The following SENP6 variants were observed in gnomAD, a reference collection of about 807,000 sequenced individuals.
SENP6 encodes SUMO specific peptidase 6, also known as sentrin-specific protease 6.
In SENP6, 41 loss-of-function variants were observed where a neutral mutation model predicts 134.5. That is an observed-to-expected ratio of 0.30 (90% CI 0.24 to 0.40). The LOEUF is 0.40. Ranked by LOEUF, SENP6 falls within the 10% of genes least tolerant of loss-of-function variation. The pLI is 1.00. For missense variants in SENP6, 1,248 were observed against 1,312.5 expected, an observed-to-expected ratio of 0.95 and a Z score of 0.76; for synonymous variants, 395 against 429.8, an observed-to-expected ratio of 0.92 and a Z score of 1.00.
intron 5 of SENP6, among the ~76,000 whole-genome samples, chr6:75,636,947 C>T (rs917477634): frequency 1.3e-5 from 2 of 150,448 alleles, no homozygotes; most frequent in Non-Finnish European, 2.9e-5. Flanking sequence ...GTGTCTCAGT[C>T]ATAGCTCACT....
intron 1 of SENP6, among the ~76,000 whole-genome samples, chr6:75,604,765 C>T (rs908628057): frequency 1.7e-4 from 26 of 152,104 alleles, no homozygotes; most frequent in African/African-American, 5.1e-4. Flanking sequence ...TGGTGTCTTA[C>T]ACTTTTAATA....
intron 16 of SENP6, among the ~76,000 whole-genome samples, chr6:75,692,502 C>G (rs1329820143): frequency 6.6e-6 from 1 of 152,090 alleles, no homozygotes; most frequent in African/African-American, 2.4e-5. Context: ...TAGTGCAGGC[C>G]TGTGGTCCCA....
At chr6:75,617,158 C>T (rs1391657284) in intron 1 of SENP6, among the ~76,000 whole-genome samples, 4 of 151,748 alleles carry the variant, frequency 2.6e-5, no homozygotes, top group Admixed American at 2.6e-4. Flanking sequence ...AGATTACAGG[C>T]ATGAGCCACT....
chr6:75,649,072 C>T (rs747098834), intron 7 of SENP6, among the ~76,000 whole-genome samples: 17 of 151,860 alleles, frequency 1.1e-4, no homozygotes, highest in African/African-American at 3.4e-4. Context: ...TTTACGATGT[C>T]GATGCAGGCA....
intron 6 of SENP6, among the ~76,000 whole-genome samples, chr6:75,643,433 G>A (rs942387496): frequency 2.0e-5 from 3 of 152,218 alleles, no homozygotes; most frequent in African/African-American, 7.2e-5. Context: ...ATTAAAAGCA[G>A]TAGACAGGAT....
intron 1 of SENP6, among the ~76,000 whole-genome samples, chr6:75,609,977 G>A (rs539153613): frequency 1.3e-5 from 2 of 152,120 alleles, no homozygotes; most frequent in South Asian, 4.2e-4. Context: ...TAGTAGAGAT[G>A]GGGTTTCTCC....
chr6:75,693,922 G>T (rs1774472428), intron 16 of SENP6, among the ~76,000 whole-genome samples: 1 of 152,034 alleles, frequency 6.6e-6, no homozygotes, highest in Admixed American at 6.6e-5. Flanking sequence ...ATTGTTACTT[G>T]TTTTGCTATA....
rs1292287749 is a variant in SENP6 at position 75,702,722 on chromosome 6, A to C, written c.2366A>C (p.Glu789Ala). 2 of 1,613,808 alleles carry C rather than the reference A, an allele frequency of 1.2e-6. No individual in the cohort carries two copies. The highest frequency in any genetic ancestry group is 1.7e-6 in the Non-Finnish European group (2 of 1,179,892). The part of the protein sequence containing the change: ...PKYEPNPHYH[E>A]NAVIQKCSTV... The stretch of plus-strand genomic sequence containing the variant: ...TATGAACCTAATCCTCATTACCATG[A>C]AAATGCTGTCATACAGAAATGTTCA... Residue 789 changes from glutamate to alanine, a missense_variant, in exon 19 of 24, where the codon GAA becomes GCA. Transcript: ENST00000447266.
At position 75,602,034 on chromosome 6, in the gene SENP6, A is replaced by C. The variant is rs1323877803; in HGVS notation, c.-491A>C. 6.4e-6 allele frequency: 1 copy of C among 155,780 alleles called. No individual in the cohort carries two copies. The highest frequency in any genetic ancestry group is 1.4e-5 in the Non-Finnish European group (1 of 70,852). The allele number at this position is 155,780 out of a possible 1,614,324, so 9.6% of individuals were successfully genotyped here. ...CCGTAGCGGCGGCGGCTGCAGAACGAGCTAGGGGCCTGGGGGCGCCTGACG... is the reference window on the plus strand; with the variant it reads ...CCGTAGCGGCGGCGGCTGCAGAACGCGCTAGGGGCCTGGGGGCGCCTGACG... On this transcript the variant is annotated 5_prime_UTR_variant, in exon 1 of 24. Transcript: ENST00000447266.
intron 16 of SENP6, among the ~76,000 whole-genome samples, chr6:75,689,075 A>G (rs1436095355): frequency 6.6e-6 from 1 of 152,076 alleles, no homozygotes; most frequent in African/African-American, 2.4e-5. Flanking sequence ...TCAAGAAAAA[A>G]ATTCAGCTGG....
chr6:75,630,753 TGTTA>T (rs1263002673), intron 3 of SENP6, among the ~76,000 whole-genome samples: 2 of 152,210 alleles, frequency 1.3e-5, no homozygotes, highest in South Asian at 4.1e-4. Context: ...TTATATCTTT[TGTTA>T]GTTAAGAAAA....
Position 75,627,133 on chromosome 6 carries a change from T to A in SENP6, c.207+3173T>A, listed in dbSNP as rs535210213. Among the ~76,000 whole-genome samples the A allele has an allele frequency of 2.6e-5, 4 of 152,220 alleles. No homozygotes were observed. In the South Asian group the frequency reaches 8.3e-4, roughly 32 times the overall value. On this transcript the variant is annotated intron_variant, in intron 3 of 23. Transcript: ENST00000447266. ...CGGACACCAACAAACCAGCTAACTT[T>A]TGTATTTTAGTAGAGCTGGGGTTTC...
chr6:75,647,654 G>T, intron 6 of SENP6, 77 bp from the exon 7 acceptor site: 1 of 930,898 alleles, frequency 1.1e-6, no homozygotes, highest in African/African-American at 1.7e-5. Flanking sequence ...TAGGCTTATT[G>T]TAAGTATGCC....
intron 7 of SENP6, among the ~76,000 whole-genome samples, chr6:75,656,325 C>G (rs1340063678): frequency 1.3e-5 from 2 of 151,780 alleles, no homozygotes; most frequent in Non-Finnish European, 2.9e-5. Flanking sequence ...TATTCTCTTT[C>G]TCATCCCTGT....
intron 7 of SENP6, among the ~76,000 whole-genome samples, chr6:75,651,755 A>T (rs556297914): frequency 6.6e-6 from 1 of 152,316 alleles, no homozygotes; most frequent in East Asian, 1.9e-4. Context: ...TTGATACATA[A>T]TATTCATACT....
At position 75,663,560 on chromosome 6, in the gene SENP6, G is replaced by A. The variant is rs1435481819; in HGVS notation, c.994+42G>A. ...CTTTAATATTGCTTATATCAATCCA[G>A]TATTTTTCAGATATATTTTTACAAC... On this transcript the variant is annotated intron_variant, in intron 9 of 23. Transcript: ENST00000447266. The A allele has an allele frequency of 6.3e-6, 9 of 1,438,966 alleles. 1 individual carries two copies. In the South Asian group the frequency reaches 8.7e-5, roughly 14 times the overall value. The allele number at this position is 1,438,966 out of a possible 1,614,324, so 89.1% of individuals were successfully genotyped here. A position where few individuals can be genotyped will look rare whatever the true frequency, so the allele number is the denominator to read the frequency against.
intron 19 of SENP6, among the ~76,000 whole-genome samples, chr6:75,703,767 TA>T (rs1406846087): frequency 6.6e-6 from 1 of 151,852 alleles, no homozygotes; most frequent in Admixed American, 6.6e-5. Flanking sequence ...ATCTCAAAAT[TA>T]AAAAACAAAA....
At position 75,675,882 on chromosome 6, in the gene SENP6, G is replaced by C; in HGVS notation, c.1449G>C (p.Glu483Asp). The stretch of plus-strand genomic sequence containing the variant: ...CAGAACCAGACCATGATCCTGTAGA[G>C]ATTATATTAAATACCTCTGATCTAA... ...QLDEPDHDPV[E>D]IILNTSDLTK... Residue 483 changes from glutamate (E) to aspartate (D), a missense_variant, in exon 13 of 24, where the codon GAG becomes GAC. This residue lies in a region of SENP6 where 733 missense variants were observed against 725.4 expected (regional missense o/e 1.01). Transcript: ENST00000447266. The C allele has an allele frequency of 6.2e-7, 1 of 1,600,108 alleles. No individual in the cohort carries two copies. Among genetic ancestry groups the C allele is most frequent in the Non-Finnish European group, 8.5e-7 (1 of 1,175,816 alleles).
chr6:75,606,658 T>C (rs902905850), intron 1 of SENP6, among the ~76,000 whole-genome samples: 2 of 152,120 alleles, frequency 1.3e-5, no homozygotes, highest in African/African-American at 2.4e-5. Context: ...AATTTAGAAA[T>C]CCAAAATCCT....
Sources: allele counts gnomAD v4.1 joint callset (sites outside exome capture counted in the v4.1 genomes callset), GRCh38; gene constraint gnomAD v4.1.1; regional missense constraint gnomAD v4.1.1; transcripts MANE v1.5; gene names NCBI Gene and HGNC (gene_info 2026-07-23, HGNC 2026-07-21).